Variants in EYS observed in about 807,000 individuals in gnomAD.
EYS encodes protein eyes shut homolog.
A neutral mutation model predicts 282.1 loss-of-function variants in EYS; 250 were observed. That is an observed-to-expected ratio of 0.89 (90% CI 0.80 to 0.98). The LOEUF is 0.98. Among genes scored for constraint, EYS ranks in the 50% least tolerant of loss-of-function variants. The pLI is 0.00. For synonymous variants in EYS, 1,355 were observed against 1,282.9 expected (o/e 1.06, Z -1.20); for missense variants, 4,016 against 3,709.0 (o/e 1.08, Z -2.15).
chr6:64,564,268 C>CTTTT (rs4034161), intron 26 of EYS, among the ~76,000 whole-genome samples: 1,202 of 59,368 alleles, frequency 0.02, 389 homozygotes, highest in South Asian at 0.035. Context: ...ATCTTTTGTC[C>CTTTT]TTTTTTTTTT....
intron 30 of EYS, among the ~76,000 whole-genome samples, chr6:64,244,762 T>G (rs1216589290): frequency 1.3e-5 from 2 of 152,202 alleles, no homozygotes; most frequent in Non-Finnish European, 2.9e-5. Flanking sequence ...GTTTAGTATG[T>G]CGATTTCAAA....
intron 28 of EYS, among the ~76,000 whole-genome samples, chr6:64,409,956 G>C (rs1253974190): frequency 6.6e-6 from 1 of 152,174 alleles, no homozygotes; most frequent in East Asian, 1.9e-4. Flanking sequence ...ATTTTATATA[G>C]CCTGGGTTTA....
chr6:65,170,099 G>T (rs747814341), intron 12 of EYS, among the ~76,000 whole-genome samples: 9 of 151,502 alleles, frequency 5.9e-5, no homozygotes, highest in Non-Finnish European at 1.3e-4. Context: ...TTTCCTGAGT[G>T]AGTCAATTTA....
At chr6:65,580,669 A>G (rs1438482623) in intron 2 of EYS, among the ~76,000 whole-genome samples, 1 of 152,118 alleles carries the variant, frequency 6.6e-6, no homozygotes, top group Non-Finnish European at 1.5e-5. Context: ...AAAAATTAAA[A>G]TGAAATGAGA....
intron 2 of EYS, among the ~76,000 whole-genome samples, chr6:65,524,115 G>A (rs750363285): frequency 3.3e-5 from 5 of 152,164 alleles, no homozygotes; most frequent in African/African-American, 2.4e-5. Flanking sequence ...CAGATGATCC[G>A]CCCACCTTGG....
chr6:65,332,395 G>C, intron 11 of EYS: 1 of 1,210,572 alleles, frequency 8.3e-7, no homozygotes, highest in Non-Finnish European at 1.2e-6. Context: ...ATTTGGTGTG[G>C]TATCACCGTG....
chr6:64,415,641 T>G lies in EYS; in HGVS notation c.5927+20533A>C, dbSNP rs79727323. Among the ~76,000 whole-genome samples the G allele has an allele frequency of 9.3e-4, 142 of 152,290 alleles. 3 individuals are homozygous for G. In the East Asian group the frequency reaches 0.026, roughly 27 times the overall value. Reference sequence around the variant, plus strand: ...TAAATGCTTCAGTTACTGGGAGAAGTTCATATGTTCCATTATTTTAAGCTG... The same window carrying G: ...TAAATGCTTCAGTTACTGGGAGAAGGTCATATGTTCCATTATTTTAAGCTG... On this transcript the variant is annotated intron_variant, in intron 28 of 42. Coordinates refer to ENST00000503581, the MANE Select transcript of EYS (RefSeq NM_001142800.2).
intron 35 of EYS, among the ~76,000 whole-genome samples, chr6:63,895,209 T>C (rs1773506445): frequency 1.4e-5 from 2 of 147,628 alleles, no homozygotes; most frequent in Non-Finnish European, 3.0e-5. Flanking sequence ...CTATTTAAAA[T>C]TTAGATAGCA....
intron 30 of EYS, among the ~76,000 whole-genome samples, chr6:64,277,059 C>T (rs183406664): frequency 1.1e-4 from 17 of 152,150 alleles, no homozygotes; most frequent in Admixed American, 6.5e-4. Context: ...CATTCTATGA[C>T]CATGGCTGTC....
Position 64,077,346 on chromosome 6 carries a change from T to C in EYS, c.6571+4510A>G, listed in dbSNP as rs1214691673. 2.0e-5 allele frequency among the ~76,000 whole-genome samples: 3 copies of C among 152,008 alleles called. No individual in the cohort carries two copies. The East Asian group carries it at 5.8e-4, about 29-fold the overall frequency. On this transcript the variant is annotated intron_variant, in intron 32 of 42. Coordinates refer to ENST00000503581, the MANE Select transcript of EYS (RefSeq NM_001142800.2). ...GAAATGAAATATGGTAAGTGTCTAA[T>C]GAAGATGTTATATATTCTGCTGGAA...
At chr6:64,989,799 TAC>T (rs3033931) in intron 14 of EYS, among the ~76,000 whole-genome samples, 61,510 of 139,864 alleles carry the variant, frequency 0.44, 15,324 homozygotes, top group Non-Finnish European at 0.58. Flanking sequence ...TATATATTCA[TAC>T]ACACACACAC....
At chr6:65,531,610 CTA>C (rs1173620257) in intron 2 of EYS, among the ~76,000 whole-genome samples, 1 of 152,124 alleles carries the variant, frequency 6.6e-6, no homozygotes, top group Non-Finnish European at 1.5e-5. Flanking sequence ...AGGGAGATCC[CTA>C]TGAGCAGCAT....
intron 2 of EYS, among the ~76,000 whole-genome samples, chr6:65,624,509 G>A (rs539178186): frequency 2.0e-5 from 3 of 152,096 alleles, no homozygotes; most frequent in African/African-American, 4.8e-5. Flanking sequence ...TGATTGGATC[G>A]AAGGATGCAA....
At chr6:64,642,618 C>T (rs192827899) in intron 22 of EYS, among the ~76,000 whole-genome samples, 2 of 152,284 alleles carry the variant, frequency 1.3e-5, no homozygotes, top group East Asian at 1.9e-4. Flanking sequence ...AAATGAAATG[C>T]TTCCTGTGAG....
rs568214288 is a variant in EYS at position 64,504,333 on chromosome 6, G to A, written c.5645-64981C>T. 2.6e-5 allele frequency among the ~76,000 whole-genome samples: 4 copies of A among 152,236 alleles called. No individual in the cohort carries two copies. The South Asian group carries it at 8.3e-4, about 32-fold the overall frequency. On this transcript the variant is annotated intron_variant, in intron 26 of 42. Coordinates refer to ENST00000503581, the MANE Select transcript of EYS (RefSeq NM_001142800.2). ...TTTGAAAATCACCCTAACATTTTAG[G>A]AAAACTTACCAATGACACTTCTGTT...
intron 12 of EYS, among the ~76,000 whole-genome samples, chr6:65,255,882 C>A (rs1394581423): frequency 6.6e-6 from 1 of 151,844 alleles, no homozygotes; most frequent in Non-Finnish European, 1.5e-5. Context: ...AAAGGGTAAC[C>A]CACAAGCACT....
intron 31 of EYS, among the ~76,000 whole-genome samples, chr6:64,192,706 T>C (rs1582406746): frequency 6.6e-6 from 1 of 152,302 alleles, no homozygotes; most frequent in Non-Finnish European, 1.5e-5. Flanking sequence ...ACTTAAACGT[T>C]AGACCTAAAA....
chr6:65,704,792 T>C (rs1218786109), intron 1 of EYS, among the ~76,000 whole-genome samples: 1 of 152,198 alleles, frequency 6.6e-6, no homozygotes, highest in Non-Finnish European at 1.5e-5. Flanking sequence ...CACCAAACCT[T>C]ACACAGCAGT....
rs555623625 is a variant in EYS at position 65,615,663 on chromosome 6, G to A, written c.-333+24115C>T. Among the ~76,000 whole-genome samples the A allele has an allele frequency of 1.3e-3, 194 of 152,124 alleles. 1 individual carries two copies. Among genetic ancestry groups the A allele is most frequent in the African/African-American group, 4.5e-3 (185 of 41,540 alleles). On this transcript the variant is annotated intron_variant, in intron 2 of 42. Transcript: ENST00000503581. ...GCAAAAAAAGTTCTCAGCCAGGTGC[G>A]GTGGCTCACGCCTGTAATCCCAGCA... is the stretch of plus-strand genomic sequence containing the variant.
Sources: allele counts gnomAD v4.1 joint callset (sites outside exome capture counted in the v4.1 genomes callset), GRCh38; gene constraint gnomAD v4.1.1; transcripts MANE v1.5; gene names NCBI Gene and HGNC (gene_info 2026-07-23, HGNC 2026-07-21).